GLG1: variants seen among roughly 807,000 people sequenced by gnomAD.
The protein encoded by GLG1 is Golgi apparatus protein 1.
GLG1 carries 38 observed loss-of-function variants against 160.5 expected under a neutral mutation model. That is an observed-to-expected ratio of 0.24 (90% CI 0.18 to 0.31). GLG1 has a LOEUF of 0.31. Among genes scored for constraint, GLG1 ranks in the 10% least tolerant of loss-of-function variants. The probability of loss-of-function intolerance (pLI) is 1.00; values close to 1 mark genes in which losing one functional copy is unlikely to be tolerated. For synonymous variants in GLG1, 644 were observed against 543.4 expected (o/e 1.19, Z -2.57); for missense variants, 1,373 against 1,505.2 (o/e 0.91, Z 1.45).
chr16:74,576,966 G>C (rs986199798), intron 1 of GLG1, among the ~76,000 whole-genome samples: 5 of 144,618 alleles, frequency 3.5e-5, no homozygotes, highest in Admixed American at 2.8e-4. Flanking sequence ...ATGTCACTCT[G>C]TCAGTCTCCC....
intron 1 of GLG1, among the ~76,000 whole-genome samples, chr16:74,601,530 T>A (rs1242210377): frequency 1.3e-5 from 2 of 152,168 alleles, no homozygotes; most frequent in African/African-American, 4.8e-5. Context: ...AGCTCTAGTC[T>A]CAGTTCACTT....
intron 1 of GLG1, among the ~76,000 whole-genome samples, chr16:74,544,525 G>A (rs867002575): frequency 2.1e-4 from 32 of 151,748 alleles, no homozygotes; most frequent in Admixed American, 9.8e-4. Flanking sequence ...TTGGTTTTTT[G>A]AAATGGAGTC....
chr16:74,578,556 G>C (rs1316047005), intron 1 of GLG1, among the ~76,000 whole-genome samples: 1 of 152,158 alleles, frequency 6.6e-6, no homozygotes, highest in African/African-American at 2.4e-5. Context: ...AGTTGAAATT[G>C]CAGAGAACTA....
intron 13 of GLG1, 130 bp downstream of exon 13, chr16:74,474,416 A>AT: frequency 1.5e-6 from 1 of 658,786 alleles, no homozygotes. Flanking sequence ...AACATGGAAA[A>AT]TTTGATCAGG....
chr16:74,503,317 T>A (rs2016478897), intron 4 of GLG1, among the ~76,000 whole-genome samples: 1 of 152,162 alleles, frequency 6.6e-6, no homozygotes, highest in South Asian at 2.1e-4. Flanking sequence ...CAGGTATTAA[T>A]TCCTCTGCTT....
chr16:74,479,170 G>A (rs1256705800), intron 11 of GLG1, among the ~76,000 whole-genome samples: 9 of 141,046 alleles, frequency 6.4e-5, no homozygotes, highest in Non-Finnish European at 1.5e-5. Context: ...GTTGCAGTGA[G>A]CCAAGATCAC....
chr16:74,578,136 T>G (rs910335768), intron 1 of GLG1, among the ~76,000 whole-genome samples: 2 of 152,212 alleles, frequency 1.3e-5, no homozygotes, highest in African/African-American at 4.8e-5. Context: ...TAATTAGACC[T>G]AAGTTGCAAT....
intron 1 of GLG1, among the ~76,000 whole-genome samples, chr16:74,554,994 C>T (rs1273755291): frequency 6.6e-6 from 1 of 152,054 alleles, no homozygotes; most frequent in Admixed American, 6.6e-5. Context: ...CCAACCTGAG[C>T]GACTGAGCAA....
chr16:74,553,794 T>G (rs981602839), intron 1 of GLG1, among the ~76,000 whole-genome samples: 4 of 152,142 alleles, frequency 2.6e-5, no homozygotes, highest in African/African-American at 7.2e-5. Context: ...TTTAAAATAG[T>G]ATAGACTTCA....
rs571017393 is a variant in GLG1 at position 74,509,124 on chromosome 16, A to G, written c.472-199T>C. ...AAAATGCAAGCCAAATAAAAGGATG[A>G]CTATTCAGATATATTTTTGTCGTTT... On this transcript the variant is annotated intron_variant, in intron 2 of 25. Transcript: ENST00000422840. Among the ~76,000 whole-genome samples the G allele has an allele frequency of 2.6e-5, 4 of 151,058 alleles. No homozygotes were observed. The East Asian group carries it at 5.8e-4, about 22-fold the overall frequency.
At chr16:74,458,188 G>A (rs1010048868) in intron 23 of GLG1, 194 bp from the exon 24 acceptor site, 1 of 506,438 alleles carries the variant, frequency 2.0e-6, no homozygotes, top group African/African-American at 1.9e-5. Flanking sequence ...ACTACTTTTA[G>A]GGATACAAAA....
rs79976674 is a variant in GLG1, at chr16:74,592,808, G to A, written c.438+13849C>T. Among the ~76,000 whole-genome samples the A allele has an allele frequency of 1.5e-4, 23 of 152,172 alleles. 1 individual carries two copies. In the East Asian group the frequency reaches 4.3e-3, roughly 28 times the overall value. ...TCTTATTTTATTTCATATATAATAG[G>A]TGTGTCCTCAGCAAATGGCTGCTAT... On this transcript the variant is annotated intron_variant, in intron 1 of 25. Transcript: ENST00000422840.
chr16:74,589,245 ACTCT>A (rs1186509808), intron 1 of GLG1, among the ~76,000 whole-genome samples: 3 of 131,530 alleles, frequency 2.3e-5, no homozygotes, highest in Non-Finnish European at 4.7e-5. Flanking sequence ...AAAGAGTGAA[ACTCT>A]CTGTCTCAAA....
chr16:74,515,907 T>G (rs930399738), intron 2 of GLG1, among the ~76,000 whole-genome samples: 2 of 49,168 alleles, frequency 4.1e-5, no homozygotes, highest in Admixed American at 2.7e-4. Context: ...TCCTAGTCTC[T>G]GATAAAACAG....
At chr16:74,485,968 G>GT in intron 8 of GLG1, 51 bp from the exon 9 acceptor site, 1 of 1,464,968 alleles carries the variant, frequency 6.8e-7, no homozygotes, top group Non-Finnish European at 9.5e-7. Flanking sequence ...TAGGTGCTAG[G>GT]TAAGAGCAGT....
chr16:74,529,571 C>A (rs28588489), intron 2 of GLG1, among the ~76,000 whole-genome samples: 2 of 151,216 alleles, frequency 1.3e-5, no homozygotes, highest in Admixed American at 1.3e-4. Flanking sequence ...GGATCTCTCT[C>A]TGTTGGCTAC....
chr16:74,546,655 T>A (rs183563474), intron 1 of GLG1, among the ~76,000 whole-genome samples: 1 of 151,038 alleles, frequency 6.6e-6, no homozygotes, highest in African/African-American at 2.4e-5. Context: ...TTGGTCAACA[T>A]AGTGAAACCC....
chr16:74,495,172 G>A (rs1456252492), intron 5 of GLG1, among the ~76,000 whole-genome samples: 2 of 150,030 alleles, frequency 1.3e-5, no homozygotes, highest in Admixed American at 1.3e-4. Context: ...GGAGTGCAGT[G>A]GCACAATCTT....
chr16:74,557,524 G>A (rs937758498), intron 1 of GLG1, among the ~76,000 whole-genome samples: 4 of 152,098 alleles, frequency 2.6e-5, no homozygotes, highest in Non-Finnish European at 5.9e-5. Flanking sequence ...ATACTAGTAG[G>A]CCAAAACTCT....
Sources: gnomAD v4.1 joint callset for allele counts (sites outside exome capture counted in the v4.1 genomes callset) on GRCh38, gnomAD v4.1.1 for gene constraint, MANE v1.5 for transcripts, NCBI Gene and HGNC (gene_info 2026-07-23, HGNC 2026-07-21) for gene names.